ROBO1: variants seen among roughly 807,000 people sequenced by gnomAD.
ROBO1 encodes roundabout homolog 1.
Under a neutral mutation model 195.9 loss-of-function variants are expected in ROBO1, and 149 were observed. The ratio of observed to expected loss-of-function variants is 0.76; its 90% CI spans 0.67 to 0.87. The LOEUF is 0.87. ROBO1 is among the 40% of genes least tolerant of loss of function. ROBO1 has a pLI of 0.00. For synonymous variants in ROBO1, 816 were observed against 733.2 expected (o/e 1.11, Z -1.82); for missense variants, 1,933 against 2,068.3 (o/e 0.93, Z 1.27).
intron 2 of ROBO1, among the ~76,000 whole-genome samples, chr3:79,221,120 A>G (rs1276966205): frequency 1.3e-5 from 2 of 152,064 alleles, no homozygotes; most frequent in Non-Finnish European, 2.9e-5. Flanking sequence ...CTCATTCCCA[A>G]AAGACACCCA....
intron 1 of ROBO1, among the ~76,000 whole-genome samples, chr3:79,710,693 T>G (rs1490447540): frequency 6.6e-6 from 1 of 152,032 alleles, no homozygotes; most frequent in Non-Finnish European, 1.5e-5. Context: ...AATCATCATA[T>G]CCAATGGTTG....
At chr3:79,235,420 A>G (rs2082390075) in intron 2 of ROBO1, among the ~76,000 whole-genome samples, 1 of 150,952 alleles carries the variant, frequency 6.6e-6, no homozygotes, top group African/African-American at 2.4e-5. Flanking sequence ...CATATACCCA[A>G]GTTACTGGGA....
intron 2 of ROBO1, among the ~76,000 whole-genome samples, chr3:79,315,123 T>G (rs1287957924): frequency 2.6e-5 from 4 of 152,102 alleles, no homozygotes; most frequent in Non-Finnish European, 5.9e-5. Context: ...AACAGAAGGA[T>G]GAAGTGTAGT....
intron 3 of ROBO1, among the ~76,000 whole-genome samples, chr3:78,962,255 G>A (rs1267430304): frequency 6.6e-6 from 1 of 152,184 alleles, no homozygotes; most frequent in Non-Finnish European, 1.5e-5. Flanking sequence ...GCTTCAAAGT[G>A]CCTGTGAATC....
chr3:78,732,691 T>C (rs186696235), intron 5 of ROBO1, among the ~76,000 whole-genome samples: 23 of 152,246 alleles, frequency 1.5e-4, no homozygotes, highest in Middle Eastern at 6.8e-3. Context: ...ACCATGCATG[T>C]GAATAGGCTA....
intron 2 of ROBO1, among the ~76,000 whole-genome samples, chr3:79,445,615 C>T (rs2039222857): frequency 6.6e-6 from 1 of 150,908 alleles, no homozygotes; most frequent in African/African-American, 2.4e-5. Flanking sequence ...TCCTATCTCA[C>T]CCTCCCGAGT....
chr3:79,596,342 A>T (rs1374610297), intron 1 of ROBO1, among the ~76,000 whole-genome samples: 1 of 152,090 alleles, frequency 6.6e-6, no homozygotes, highest in Non-Finnish European at 1.5e-5. Context: ...AATGACAAAA[A>T]TAAAGGGGAT....
intron 2 of ROBO1, among the ~76,000 whole-genome samples, chr3:79,127,076 C>T (rs1352572812): frequency 6.6e-6 from 1 of 151,590 alleles, no homozygotes; most frequent in East Asian, 1.9e-4. Context: ...CTTTATTCAT[C>T]CTTGCCTCTC....
intron 2 of ROBO1, among the ~76,000 whole-genome samples, chr3:79,169,958 A>T (rs57834156): frequency 6.6e-6 from 1 of 152,328 alleles, no homozygotes; most frequent in East Asian, 1.9e-4. Flanking sequence ...GCTTTGAAGT[A>T]CAAAAATGTA....
At chr3:79,124,154 CT>C (rs1162216144) in intron 3 of ROBO1, among the ~76,000 whole-genome samples, 2 of 152,022 alleles carry the variant, frequency 1.3e-5, no homozygotes, top group Admixed American at 6.6e-5. Flanking sequence ...ACATTTACAA[CT>C]TTTTTGTAGC....
chr3:79,555,527 T>C (rs1223400009), intron 2 of ROBO1, among the ~76,000 whole-genome samples: 2 of 152,148 alleles, frequency 1.3e-5, no homozygotes, highest in African/African-American at 4.8e-5. Flanking sequence ...AGAATGGAGA[T>C]GAATGAAATT....
intron 4 of ROBO1, among the ~76,000 whole-genome samples, chr3:78,821,161 A>ATTTTTTT (rs71631622): frequency 1.6e-5 from 2 of 122,202 alleles, no homozygotes; most frequent in Non-Finnish European, 1.7e-5. Flanking sequence ...TATGATACTG[A>ATTTTTTT]TTTTTTTTTT....
intron 2 of ROBO1, among the ~76,000 whole-genome samples, chr3:79,227,558 T>C (rs761046696): frequency 3.9e-5 from 6 of 152,166 alleles, no homozygotes; most frequent in Non-Finnish European, 8.8e-5. Context: ...AATGTCGTCA[T>C]TGAGTCACAT....
At position 79,589,885 on chromosome 3, in the gene ROBO1, C is replaced by G; in HGVS notation, c.27G>C (p.Leu9Phe). 1.2e-6 allele frequency: 2 copies of G among 1,610,160 alleles called. No individual in the cohort carries two copies. Among genetic ancestry groups the G allele is most frequent in the Non-Finnish European group, 1.7e-6 (2 of 1,177,482 alleles). ...ATAAGCTGAGGAGTGATATCATGACCAAAAAAGGAACATGTTTCCATTTCA... is the reference window on the plus strand; with the variant it reads ...ATAAGCTGAGGAGTGATATCATGACGAAAAAAGGAACATGTTTCCATTTCA... MKWKHVPF[L>F]VMISLLSLSP... Residue 9 changes from leucine (L) to phenylalanine (F), a missense_variant, in exon 2 of 31, where the codon TTG (leucine) becomes TTC (phenylalanine). Physicochemically the swap from Leu to Phe is conservative, Grantham distance 22. Around this residue, in one of 3 missense-constraint regions of ROBO1, gnomAD observed 185 missense variants for 159.5 expected, o/e 1.16. Coordinates refer to ENST00000464233, the MANE Select transcript of ROBO1 (RefSeq NM_002941.4).
chr3:79,020,692 T>TTAAATAAA (rs552434359), intron 3 of ROBO1, among the ~76,000 whole-genome samples: 2 of 152,064 alleles, frequency 1.3e-5, no homozygotes, highest in East Asian at 1.9e-4. Context: ...AGACTCCGTC[T>TTAAATAAA]TAAATAAATA....
At chr3:78,749,636 C>T (rs1287919630) in intron 4 of ROBO1, among the ~76,000 whole-genome samples, 1 of 151,992 alleles carries the variant, frequency 6.6e-6, no homozygotes, top group African/African-American at 2.4e-5. Flanking sequence ...ATGGTGCCAC[C>T]TTATAAAACT....
chr3:79,242,878 A>T lies in ROBO1; in HGVS notation c.89-117339T>A, dbSNP rs376584024. Reference sequence around the variant, plus strand: ...TTAAGTTTTAGGGTACATGTGCACAACGTGCAGGTTTGTTACATATGTATA... The same window carrying T: ...TTAAGTTTTAGGGTACATGTGCACATCGTGCAGGTTTGTTACATATGTATA... On this transcript the variant is annotated intron_variant, in intron 2 of 30. Transcript: ENST00000464233. 2.8e-4 allele frequency among the ~76,000 whole-genome samples: 42 copies of T among 152,166 alleles called. No homozygotes were observed. The South Asian group carries it at 6.2e-3, about 23-fold the overall frequency.
At chr3:78,793,093 C>A (rs1049650958) in intron 4 of ROBO1, among the ~76,000 whole-genome samples, 5 of 150,058 alleles carry the variant, frequency 3.3e-5, no homozygotes, top group Admixed American at 2.0e-4. Flanking sequence ...TGTACTCCAG[C>A]CTGGGTGACA....
intron 1 of ROBO1, among the ~76,000 whole-genome samples, chr3:79,734,256 A>G (rs2107374562): frequency 6.6e-6 from 1 of 151,974 alleles, no homozygotes; most frequent in South Asian, 2.1e-4. Context: ...ACCCATTTCT[A>G]TTTTAACTGT....
Sources: gnomAD v4.1 joint callset for allele counts (sites outside exome capture counted in the v4.1 genomes callset) on GRCh38, gnomAD v4.1.1 for gene constraint, gnomAD v4.1.1 regional missense constraint, MANE v1.5 for transcripts, NCBI Gene and HGNC (gene_info 2026-07-23, HGNC 2026-07-21) for gene names.